Variants in KCTD16 observed in about 807,000 individuals in gnomAD.
KCTD16 encodes the protein potassium channel tetramerization domain containing 16.
In KCTD16, 13 loss-of-function variants were observed where a neutral mutation model predicts 33.2. The ratio of observed to expected loss-of-function variants is 0.39; its 90% CI spans 0.25 to 0.62. The LOEUF (loss-of-function observed/expected upper bound fraction) is 0.62. Ranked by LOEUF, KCTD16 falls within the 20% of genes least tolerant of loss-of-function variation. The pLI, the probability that KCTD16 is intolerant of heterozygous loss-of-function variation, is 0.50. For synonymous variants in KCTD16, 197 were observed against 195.3 expected (o/e 1.01, Z -0.07); for missense variants, 441 against 525.1 (o/e 0.84, Z 1.57).
rs77494800 is a variant in KCTD16 at position 144,210,761 on chromosome 5, G to A, written c.832+3215G>A. Among the ~76,000 whole-genome samples, 425 of 152,234 alleles carry A rather than the reference G, an allele frequency of 2.8e-3. 1 individual carries two copies. The highest frequency in any genetic ancestry group is 9.9e-3 in the African/African-American group (410 of 41,552). On this transcript the variant is annotated intron_variant, in intron 3 of 3. Coordinates refer to ENST00000512467, the MANE Select transcript of KCTD16 (RefSeq NM_020768.4). ...TCCAGAGCCATCTTCTGATGCCTGA[G>A]AGAGTGGGAAGATTGTTCTTGGTTG...
At chr5:144,208,104 G>A (rs1753249431) in intron 3 of KCTD16, among the ~76,000 whole-genome samples, 1 of 152,192 alleles carries the variant, frequency 6.6e-6, no homozygotes, top group Admixed American at 6.5e-5. Context: ...TTGCTTTTAA[G>A]GGTTTTACAA....
At chr5:144,221,488 A>C (rs551925129) in intron 3 of KCTD16, among the ~76,000 whole-genome samples, 1 of 151,552 alleles carries the variant, frequency 6.6e-6, no homozygotes, top group Non-Finnish European at 1.5e-5. Flanking sequence ...TCATTGTTCA[A>C]CTCTCACTTA....
chr5:144,205,437 G>A, intron 2 of KCTD16: 1 of 398,538 alleles, frequency 2.5e-6, no homozygotes, highest in Non-Finnish European at 4.4e-6. Context: ...TCCGCCGCCA[G>A]AGAAGCCGGA....
chr5:144,192,488 A>G (rs996287239), intron 2 of KCTD16, among the ~76,000 whole-genome samples: 3 of 152,246 alleles, frequency 2.0e-5, no homozygotes, highest in Non-Finnish European at 4.4e-5. Flanking sequence ...GGGAACGAAT[A>G]AAGCGAAGGA....
intron 3 of KCTD16, among the ~76,000 whole-genome samples, chr5:144,301,652 A>G (rs1404868655): frequency 6.6e-6 from 1 of 152,222 alleles, no homozygotes; most frequent in African/African-American, 2.4e-5. Flanking sequence ...GACATAGTGA[A>G]CAGGATATCT....
rs1754546659 is a variant in KCTD16, at chr5:144,474,245, ATAC to A, written c.*136_*138del. On this transcript the variant is annotated 3_prime_UTR_variant, in exon 4 of 4. Coordinates refer to ENST00000512467, the MANE Select transcript of KCTD16 (RefSeq NM_020768.4). ...TCTTAGAACACAATAGTCCATTGAT[ATAC>A]TACTGCCTACTTTACCTAGTTCACC... 1.2e-5 allele frequency: 8 copies of A among 694,244 alleles called. No homozygotes were observed. The highest frequency in any genetic ancestry group is 1.9e-5 in the Non-Finnish European group (8 of 421,198). The allele number at this position is 694,244 out of a possible 1,614,324, so 43.0% of individuals were successfully genotyped here.
intron 3 of KCTD16, among the ~76,000 whole-genome samples, chr5:144,364,809 A>G (rs1405685101): frequency 6.6e-6 from 1 of 152,200 alleles, no homozygotes; most frequent in East Asian, 1.9e-4. Flanking sequence ...CTTTCATTTG[A>G]TAGGTGATGC....
At chr5:144,373,932 C>G (rs1412243031) in intron 3 of KCTD16, among the ~76,000 whole-genome samples, 2 of 152,296 alleles carry the variant, frequency 1.3e-5, no homozygotes, top group East Asian at 3.9e-4. Context: ...TATTATCGTA[C>G]AGTTCTGAAG....
At chr5:144,364,249 C>T (rs75021605) in intron 3 of KCTD16, among the ~76,000 whole-genome samples, 2 of 152,166 alleles carry the variant, frequency 1.3e-5, no homozygotes, top group Non-Finnish European at 2.9e-5. Context: ...GCTTCTGCAC[C>T]TGCAATTCTT....
chr5:144,378,031 C>T (rs886845390), intron 3 of KCTD16, among the ~76,000 whole-genome samples: 4 of 152,060 alleles, frequency 2.6e-5, no homozygotes, highest in Non-Finnish European at 4.4e-5. Context: ...CAGAAGGGGA[C>T]GTTAATTATA....
At chr5:144,433,315 T>A (rs1407487455) in intron 3 of KCTD16, among the ~76,000 whole-genome samples, 1 of 152,086 alleles carries the variant, frequency 6.6e-6, no homozygotes, top group Non-Finnish European at 1.5e-5. Flanking sequence ...CTGATGGTCA[T>A]CCCTGGTGGC....
chr5:144,387,364 G>T (rs1273345506), intron 3 of KCTD16, among the ~76,000 whole-genome samples: 1 of 151,968 alleles, frequency 6.6e-6, no homozygotes, highest in African/African-American at 2.4e-5. Context: ...ATAGATGAAG[G>T]AGCTCCTTTT....
chr5:144,344,594 A>G (rs1188402102), intron 3 of KCTD16, among the ~76,000 whole-genome samples: 2 of 151,554 alleles, frequency 1.3e-5, no homozygotes, highest in African/African-American at 4.9e-5. Context: ...GCCAAAAAAC[A>G]CATGAAAAAA....
intron 3 of KCTD16, among the ~76,000 whole-genome samples, chr5:144,396,827 A>G (rs1304643258): frequency 6.6e-6 from 1 of 151,822 alleles, no homozygotes; most frequent in Non-Finnish European, 1.5e-5. Flanking sequence ...TCCCCGAGAT[A>G]TAAACTGACT....
chr5:144,206,584 G>A lies in KCTD16; in HGVS notation c.-131G>A, dbSNP rs1186253084. 4 of 744,986 alleles carry A rather than the reference G, an allele frequency of 5.4e-6. No individual in the cohort carries two copies. Among genetic ancestry groups the A allele is most frequent in the Non-Finnish European group, 8.8e-6 (4 of 455,758 alleles). The allele number at this position is 744,986 out of a possible 1,614,324, so 46.1% of individuals were successfully genotyped here. ...TGATTTCTTGGGGGAAAAATACTGG[G>A]ATAAGAGGAGGTCATTTTTTAATAA... On this transcript the variant is annotated 5_prime_UTR_variant, in exon 3 of 4. Transcript: ENST00000512467.
At chr5:144,179,331 T>G (rs770645086) in intron 2 of KCTD16, among the ~76,000 whole-genome samples, 17 of 152,098 alleles carry the variant, frequency 1.1e-4, no homozygotes, top group Non-Finnish European at 2.1e-4. Context: ...GTAAAATTAT[T>G]CAAAGAAGCA....
At chr5:144,300,356 C>G (rs1207998236) in intron 3 of KCTD16, among the ~76,000 whole-genome samples, 2 of 152,144 alleles carry the variant, frequency 1.3e-5, no homozygotes, top group Admixed American at 1.3e-4. Flanking sequence ...TATCTCTTCT[C>G]CCGAATTCTT....
intron 3 of KCTD16, among the ~76,000 whole-genome samples, chr5:144,246,863 C>T (rs942271791): frequency 5.3e-5 from 8 of 152,122 alleles, no homozygotes; most frequent in Non-Finnish European, 8.8e-5. Context: ...CCTCCTCTAG[C>T]CATGGAGAAG....
intron 2 of KCTD16, among the ~76,000 whole-genome samples, chr5:144,192,086 G>A (rs1318790334): frequency 6.6e-6 from 1 of 152,140 alleles, no homozygotes; most frequent in Admixed American, 6.5e-5. Context: ...TGCTGACTTT[G>A]GGAGCTTAAG....
Sources: allele counts gnomAD v4.1 joint callset (sites outside exome capture counted in the v4.1 genomes callset), GRCh38; gene constraint gnomAD v4.1.1; transcripts MANE v1.5; gene names NCBI Gene and HGNC (gene_info 2026-07-23, HGNC 2026-07-21).